The following EYA2 variants were observed in gnomAD, a reference collection of about 807,000 sequenced individuals.
EYA2 encodes protein phosphatase EYA2.
Under a neutral mutation model 69.2 loss-of-function variants are expected in EYA2, and 31 were observed. The ratio of observed to expected loss-of-function variants is 0.45; its 90% confidence interval spans 0.34 to 0.60. EYA2 has a LOEUF of 0.60. EYA2 is among the 20% of genes least tolerant of loss of function. The pLI is 0.02. For synonymous variants in EYA2, 257 were observed against 279.4 expected, an observed-to-expected ratio of 0.92 and a Z score of 0.80; for missense variants, 622 against 701.2, an observed-to-expected ratio of 0.89 and a Z score of 1.28.
intron 10 of EYA2, among the ~76,000 whole-genome samples, chr20:47,157,929 G>A (rs2033988715): frequency 6.6e-6 from 1 of 151,968 alleles, no homozygotes; most frequent in Admixed American, 6.5e-5. Flanking sequence ...CATTTTATAA[G>A]ACTAACATCA....
intron 1 of EYA2, among the ~76,000 whole-genome samples, chr20:46,982,794 A>G (rs143066537): frequency 0.011 from 1,387 of 131,798 alleles, 25 homozygotes; most frequent in African/African-American, 0.04. Flanking sequence ...TTTTTTTGAG[A>G]TAGAGTTTTG....
intron 5 of EYA2, among the ~76,000 whole-genome samples, chr20:47,028,686 A>G (rs1984232746): frequency 6.6e-6 from 1 of 152,210 alleles, no homozygotes; most frequent in South Asian, 2.1e-4. Context: ...CACATGTAAA[A>G]TTGTACCTGT....
chr20:46,981,662 A>G (rs1980841184), intron 1 of EYA2, among the ~76,000 whole-genome samples: 1 of 152,166 alleles, frequency 6.6e-6, no homozygotes, highest in Non-Finnish European at 1.5e-5. Flanking sequence ...TTAAATTATC[A>G]TATATTGGTG....
intron 1 of EYA2, among the ~76,000 whole-genome samples, chr20:46,895,914 A>G (rs1272319565): frequency 6.6e-6 from 1 of 152,224 alleles, no homozygotes; most frequent in Non-Finnish European, 1.5e-5. Context: ...GCCGAGGCTG[A>G]GAGTTGACAG....
At chr20:47,092,314 T>C (rs4810609) in intron 8 of EYA2, among the ~76,000 whole-genome samples, 136,390 of 152,178 alleles carry the variant, frequency 0.9, 62,296 homozygotes, top group East Asian at 0.99. Context: ...GGGCCATTCT[T>C]AGTCCAGGGA....
At chr20:47,164,413 T>G (rs963136261) in intron 10 of EYA2, among the ~76,000 whole-genome samples, 2 of 152,166 alleles carry the variant, frequency 1.3e-5, no homozygotes, top group Admixed American at 1.3e-4. Context: ...CATGGAACCC[T>G]GCCCAGAGGC....
intron 1 of EYA2, among the ~76,000 whole-genome samples, chr20:46,899,851 G>A (rs1255939694): frequency 6.6e-6 from 1 of 152,230 alleles, no homozygotes; most frequent in African/African-American, 2.4e-5. Flanking sequence ...TTGGATGATA[G>A]TAGTCAGAAC....
intron 1 of EYA2, among the ~76,000 whole-genome samples, chr20:46,957,529 TCACACACACACACACA>T (rs74176892): frequency 5.0e-5 from 1 of 20,000 alleles, no homozygotes; most frequent in African/African-American, 1.4e-4. Flanking sequence ...GAAGGAGATT[TCACACACACACACACA>T]CACACACACA....
chr20:47,053,810 C>G (rs942765138), intron 5 of EYA2, among the ~76,000 whole-genome samples: 1 of 151,720 alleles, frequency 6.6e-6, no homozygotes, highest in Non-Finnish European at 1.5e-5. Context: ...ATATTGCCCC[C>G]TTGAGAATAC....
chr20:47,073,854 C>A (rs1259399447), intron 6 of EYA2, among the ~76,000 whole-genome samples: 1 of 152,076 alleles, frequency 6.6e-6, no homozygotes, highest in Non-Finnish European at 1.5e-5. Context: ...GGATTTTAGA[C>A]CATCTCAGCT....
At chr20:47,023,958 A>G (rs1345001048) in intron 5 of EYA2, among the ~76,000 whole-genome samples, 5 of 152,094 alleles carry the variant, frequency 3.3e-5, no homozygotes, top group African/African-American at 1.2e-4. Flanking sequence ...GATAACTTCC[A>G]TGTCTCTACT....
At chr20:47,058,465 G>A (rs1020366071) in intron 5 of EYA2, among the ~76,000 whole-genome samples, 3 of 152,308 alleles carry the variant, frequency 2.0e-5, no homozygotes, top group Non-Finnish European at 4.4e-5. Context: ...GTGCGAGGGC[G>A]TTTATGGCAG....
intron 1 of EYA2, among the ~76,000 whole-genome samples, chr20:46,960,465 G>A (rs1027955341): frequency 1.3e-5 from 2 of 152,078 alleles, no homozygotes; most frequent in African/African-American, 4.8e-5. Flanking sequence ...TCCCAGCAGC[G>A]CTATGGACTA....
At position 47,169,159 on chromosome 20, in the gene EYA2, T is replaced by A; in HGVS notation, c.999T>A (p.Val333=). The A allele has an allele frequency of 6.2e-7, 1 of 1,614,080 alleles. No individual in the cohort carries two copies. Among genetic ancestry groups the A allele is most frequent in the Non-Finnish European group, 8.5e-7 (1 of 1,180,012 alleles). ...CATAGGATTGTGACCAGATCCACGT[T>A]GATGACGTCTCATCAGATGACAATG... The part of the protein sequence containing the change: ...NDLEDCDQIH[V]DDVSSDDNGQ... The change falls in exon 11 of 16, where the codon GTT becomes GTA. Residue 333 remains valine, a synonymous_variant. Coordinates refer to ENST00000327619, the MANE Select transcript of EYA2 (RefSeq NM_005244.5).
rs532705011 is a variant in EYA2 at position 46,998,655 on chromosome 20, TATG to T, written c.110-2770_110-2768del. Among the ~76,000 whole-genome samples, 13 of 152,286 alleles carry T rather than the reference TATG, an allele frequency of 8.5e-5. No homozygotes were observed. In the East Asian group the frequency reaches 2.3e-3, roughly 27 times the overall value. ...AGAGCCCTGCCTTATCATGTGTGTT[TATG>T]ATAAGGATTATCAATGAAGTCCACA... is the stretch of plus-strand genomic sequence containing the variant. On this transcript the variant is annotated intron_variant, in intron 2 of 15. Coordinates refer to ENST00000327619, the MANE Select transcript of EYA2 (RefSeq NM_005244.5).
rs1201324879 is a variant in EYA2, at chr20:47,135,818, CAAAAAAAA to C, written c.889-7225_889-7218del. Among the ~76,000 whole-genome samples the C allele has an allele frequency of 1.2e-4, 4 of 33,264 alleles. No individual in the cohort carries two copies. The East Asian group carries it at 3.9e-3, about 33-fold the overall frequency. 21.8% of individuals were successfully genotyped at this position (33,264 alleles called of 152,430 possible). A position where few individuals can be genotyped will look rare whatever the true frequency, so the allele number is the denominator to read the frequency against. ...GCAACATAAGGAGACCCTGTCTCTA[CAAAAAAAA>C]AAAAAAAAAAAAAAACAAACAAACA... On this transcript the variant is annotated intron_variant, in intron 9 of 15. Transcript: ENST00000327619.
In EYA2 at chr20:47,181,924, C is replaced by A. The variant is rs540722365; in HGVS notation, c.1435+988C>A. 4.6e-5 allele frequency among the ~76,000 whole-genome samples: 7 copies of A among 152,184 alleles called. 1 individual carries two copies. The highest frequency in any genetic ancestry group is 1.7e-4 in the African/African-American group (7 of 41,540). ...CATTTTTCCTGCATACCTCAAGTAC[C>A]TTTGCAGGTTTATTTCGAATCTCTT... On this transcript the variant is annotated intron_variant, in intron 14 of 15. Transcript: ENST00000327619.
At chr20:46,949,409 T>TCAAG (rs1978666192) in intron 1 of EYA2, among the ~76,000 whole-genome samples, 1 of 152,112 alleles carries the variant, frequency 6.6e-6, no homozygotes, top group Non-Finnish European at 1.5e-5. Flanking sequence ...AGTCAAGACT[T>TCAAG]TCAGGTAAAA....
At chr20:47,117,555 C>G in intron 9 of EYA2, 1 of 985,426 alleles carries the variant, frequency 1.0e-6, no homozygotes, top group Non-Finnish European at 1.2e-6. Flanking sequence ...GAATCCAGAA[C>G]CCAGCACAGG....
Sources: gnomAD v4.1 joint callset for allele counts (sites outside exome capture counted in the v4.1 genomes callset) on GRCh38, gnomAD v4.1.1 for gene constraint, MANE v1.5 for transcripts, NCBI Gene and HGNC (gene_info 2026-07-23, HGNC 2026-07-21) for gene names.